Variants in OR2T2 observed in about 807,000 individuals in gnomAD.
The protein encoded by OR2T2 is olfactory receptor family 2 subfamily T member 2.
For missense variants in OR2T2, 138 were observed against 409.1 expected, an observed-to-expected ratio of 0.34 and a Z score of 5.72; for synonymous variants, 50 against 162.7, an observed-to-expected ratio of 0.31 and a Z score of 5.27.
In OR2T2 at chr1:248,446,831, T is replaced by TA. The variant is rs1320476453; in HGVS notation, c.-23+24dup. 1 of 148,764 alleles carries TA rather than the reference T, an allele frequency of 6.7e-6. No homozygotes were observed. The highest frequency in any genetic ancestry group is 1.5e-5 in the Non-Finnish European group (1 of 67,960). The allele number at this position is 148,764 out of a possible 1,614,324, so 9.2% of individuals were successfully genotyped here. On this transcript the variant is annotated intron_variant, in intron 2 of 2. Coordinates refer to ENST00000642130, the Ensembl canonical transcript of OR2T2. Reference sequence around the variant, plus strand: ...GTTTAGGTAAGTTGGCATGTAGCATTAAAACCTGTATTCTTCAAACTGAAC... The same window carrying TA: ...GTTTAGGTAAGTTGGCATGTAGCATTAAAAACCTGTATTCTTCAAACTGAAC...
In OR2T2 at chr1:248,447,602, T is replaced by C. The variant is rs1179980722; in HGVS notation, c.-23+791T>C. 1.3e-5 allele frequency among the ~76,000 whole-genome samples: 2 copies of C among 151,040 alleles called. 1 individual carries two copies. Among genetic ancestry groups the C allele is most frequent in the African/African-American group, 4.9e-5 (2 of 40,716 alleles). On this transcript the variant is annotated intron_variant, in intron 2 of 2. Transcript: ENST00000642130. Reference sequence around the variant, plus strand: ...CTTTTGACATTATTTACATTGTCTCTGATCATGTCCTCTCTCCTTCAGTCT... The same window carrying C: ...CTTTTGACATTATTTACATTGTCTCCGATCATGTCCTCTCTCCTTCAGTCT...
intron 2 of OR2T2, among the ~76,000 whole-genome samples, chr1:248,447,813 G>A (rs1281127464): frequency 2.0e-5 from 3 of 152,002 alleles, no homozygotes; most frequent in East Asian, 3.9e-4. Flanking sequence ...TTGAGGTAAA[G>A]AATTCTGACA....
At chr1:248,447,572 C>T (rs1256338861) in intron 2 of OR2T2, among the ~76,000 whole-genome samples, 5 of 150,040 alleles carry the variant, frequency 3.3e-5, no homozygotes, top group African/African-American at 7.5e-5. Context: ...TTCCCATTTG[C>T]GAGCCTTTTG....
chr1:248,450,164 T>C (rs1475957285), intron 2 of OR2T2, among the ~76,000 whole-genome samples: 5 of 147,896 alleles, frequency 3.4e-5, no homozygotes, highest in African/African-American at 1.3e-4. Flanking sequence ...ATTGGCTTCA[T>C]TGAAATGGGT....
At chr1:248,453,953 C>T in exon 3 of OR2T2, 2 of 650,236 alleles carry the variant, frequency 3.1e-6, no homozygotes, top group South Asian at 1.8e-5. Context: ...GAAGAATGTT[C>T]AGTGTCACTT....
At chr1:248,446,327 G>A (rs1225057312) in intron 1 of OR2T2, among the ~76,000 whole-genome samples, 1 of 144,970 alleles carries the variant, frequency 6.9e-6, no homozygotes, top group Non-Finnish European at 1.5e-5. Context: ...GAGCCCAGGG[G>A]GAGATGTGGA....
In OR2T2 at chr1:248,446,322, C is replaced by T. The variant is rs1662647766; in HGVS notation, c.-245-267C>T. The stretch of plus-strand genomic sequence containing the variant: ...CCTGTTGAGCTGAGTAACTGGAGCC[C>T]AGGGGGAGATGTGGACATGTTGGAA... On this transcript the variant is annotated intron_variant, in intron 1 of 2. Transcript: ENST00000642130. 2.1e-5 allele frequency among the ~76,000 whole-genome samples: 3 copies of T among 144,830 alleles called. 1 individual carries two copies. The highest frequency in any genetic ancestry group is 4.5e-5 in the Non-Finnish European group (3 of 67,334).
exon 3 of OR2T2, chr1:248,453,954 A>G (rs555494964): frequency 1.5e-6 from 1 of 647,102 alleles, no homozygotes; most frequent in Admixed American, 2.9e-5. Context: ...AAGAATGTTC[A>G]GTGTCACTTT....
At position 248,453,572 on chromosome 1, in the gene OR2T2, AC is replaced by A; in HGVS notation, c.777del (p.Asn260ThrfsTer34). The stretch of plus-strand genomic sequence containing the variant: ...CGTTTTCTACGGGGCAGCCTTCTAC[AC>A]CAACGTGCTGCCCCACTCCTACCAC... On this transcript the variant is annotated frameshift_variant, in exon 3 of 3. Transcript: ENST00000642130. LOFTEE classifies it low-confidence loss of function (END_TRUNC). 6.4e-7 allele frequency: 1 copy of A among 1,550,404 alleles called. No homozygotes were observed. The highest frequency in any genetic ancestry group is 8.8e-7 in the Non-Finnish European group (1 of 1,133,256).
exon 3 of OR2T2, chr1:248,453,645 C>A (rs1369050781): frequency 1.9e-6 from 3 of 1,595,798 alleles, no homozygotes; most frequent in Admixed American, 1.7e-5. Context: ...ACCATCCTCA[C>A]CCCCATGCTC....
At chr1:248,450,363 C>T (rs1220719721) in intron 2 of OR2T2, among the ~76,000 whole-genome samples, 4 of 143,282 alleles carry the variant, frequency 2.8e-5, no homozygotes, top group African/African-American at 1.2e-4. Flanking sequence ...TTTTTTTTAA[C>T]ACGGTCTCGG....
rs377328194 is a variant in OR2T2 at position 248,453,165 on chromosome 1, G to A, written c.368G>A (p.Arg123His). 228 of 1,612,082 alleles carry A rather than the reference G, an allele frequency of 1.4e-4. No homozygotes were observed. The highest frequency in any genetic ancestry group is 1.7e-4 in the Non-Finnish European group (204 of 1,179,282). Residue 123 changes from arginine (R) to histidine (H), a missense_variant, in exon 3 of 3, where the codon CGC becomes CAC. Coordinates refer to ENST00000642130, the Ensembl canonical transcript of OR2T2. The stretch of plus-strand genomic sequence containing the variant: ...CTGCTGGGTCTCATGGCCTATGACC[G>A]CTATGTGGCTGTGTGCAACCCTCTA...
chr1:248,450,256 A>G lies in OR2T2; in HGVS notation c.-22-2520A>G, dbSNP rs1408898527. Among the ~76,000 whole-genome samples, 1,193 of 144,936 alleles carry G rather than the reference A, an allele frequency of 8.2e-3. 2 individuals carry two copies. The highest frequency in any genetic ancestry group is 0.032 in the African/African-American group (1,131 of 35,426). On this transcript the variant is annotated intron_variant, in intron 2 of 2. Coordinates refer to ENST00000642130, the Ensembl canonical transcript of OR2T2. ...TACACATATCCCCACCCACTCACAG[A>G]TGCACACACCACACATACCATGCTC...
intron 2 of OR2T2, among the ~76,000 whole-genome samples, chr1:248,448,430 GTA>G (rs1306728161): frequency 1.1e-4 from 7 of 64,930 alleles, no homozygotes; most frequent in Admixed American, 5.8e-4. Context: ...ATAAAATATG[GTA>G]TATATATAGG....
At chr1:248,453,006 T>C in exon 3 of OR2T2, 2 of 1,613,088 alleles carry the variant, frequency 1.2e-6, no homozygotes, top group South Asian at 2.2e-5. Context: ...CTCTCCATCA[T>C]GGATACCATC....
exon 3 of OR2T2, chr1:248,453,625 T>G (rs1662869649): frequency 1.9e-6 from 3 of 1,581,442 alleles, no homozygotes; most frequent in Non-Finnish European, 2.6e-6. Context: ...AAGTGGTGTC[T>G]GCCTTCTACA....
chr1:248,455,049 T>C (rs1198363051), exon 3 of OR2T2: 1 of 151,598 alleles, frequency 6.6e-6, no homozygotes, highest in Non-Finnish European at 1.5e-5. Context: ...GGTGCTTTGA[T>C]AGATGTGTAA....
At chr1:248,450,180 G>A (rs1662760844) in intron 2 of OR2T2, among the ~76,000 whole-genome samples, 1 of 145,432 alleles carries the variant, frequency 6.9e-6, no homozygotes, top group Non-Finnish European at 1.5e-5. Flanking sequence ...TGGGTGAATT[G>A]CTCGTTTGTG....
intron 2 of OR2T2, among the ~76,000 whole-genome samples, chr1:248,449,816 C>CTT (rs1457866239): frequency 1.6e-5 from 2 of 123,170 alleles, no homozygotes; most frequent in African/African-American, 1.0e-4. Flanking sequence ...TTTTCTTTTT[C>CTT]TTTTTCTTTT....
Sources: gnomAD v4.1 joint callset for allele counts (sites outside exome capture counted in the v4.1 genomes callset) on GRCh38, gnomAD v4.1.1 for gene constraint, MANE v1.5 for transcripts, NCBI Gene and HGNC (gene_info 2026-07-23, HGNC 2026-07-21) for gene names.